Variants in ITPR1 observed in about 807,000 individuals in gnomAD.
The protein encoded by ITPR1 is inositol 1,4,5-trisphosphate-gated calcium channel ITPR1.
In ITPR1, 96 loss-of-function variants were observed where a neutral mutation model predicts 318.4. The observed-to-expected ratio is 0.30, with a 90% CI of 0.26 to 0.36. ITPR1 has a LOEUF of 0.36. Among genes scored for constraint, ITPR1 ranks in the 10% least tolerant of loss-of-function variants. The probability of loss-of-function intolerance (pLI) is 1.00; values close to 1 mark genes in which losing one functional copy is unlikely to be tolerated. For synonymous variants in ITPR1, 1,312 were observed against 1,289.9 expected (o/e 1.02, Z -0.37); for missense variants, 2,440 against 3,460.2 (o/e 0.71, Z 7.40).
chr3:4,760,706 C>T (rs902999974), intron 44 of ITPR1, among the ~76,000 whole-genome samples: 2 of 152,184 alleles, frequency 1.3e-5, no homozygotes, highest in African/African-American at 4.8e-5. Flanking sequence ...TTCCAGAGGC[C>T]ACCCACATCC....
chr3:4,505,382 G>A (rs186020976), intron 2 of ITPR1, among the ~76,000 whole-genome samples: 2 of 152,222 alleles, frequency 1.3e-5, no homozygotes, highest in African/African-American at 2.4e-5. Flanking sequence ...TAGTAAAGAC[G>A]GGGTTTCGCC....
At chr3:4,840,488 A>G (rs2051264515) in intron 61 of ITPR1, among the ~76,000 whole-genome samples, 1 of 152,154 alleles carries the variant, frequency 6.6e-6, no homozygotes, top group Non-Finnish European at 1.5e-5. Flanking sequence ...TGTTTGTTTT[A>G]GATTTTCTGA....
intron 46 of ITPR1, among the ~76,000 whole-genome samples, chr3:4,771,828 G>T (rs972420397): frequency 1.3e-5 from 2 of 152,046 alleles, no homozygotes; most frequent in African/African-American, 4.8e-5. Flanking sequence ...TTTGGCTTGG[G>T]GGAGCGCACG....
At chr3:4,755,577 G>A (rs1296347434) in intron 44 of ITPR1, among the ~76,000 whole-genome samples, 1 of 152,114 alleles carries the variant, frequency 6.6e-6, no homozygotes, top group South Asian at 2.1e-4. Flanking sequence ...GGACTTTGCT[G>A]CTTGAAGAAG....
rs184368482 is a variant in ITPR1, at chr3:4,772,625, T to A, written c.5980-2617T>A. Among the ~76,000 whole-genome samples the A allele has an allele frequency of 7.9e-5, 12 of 152,338 alleles. No homozygotes were observed. The East Asian group carries it at 2.3e-3, about 29-fold the overall frequency. ...AGTCTGTCTAAGCACAGACTTGAAG[T>A]CTTCCATTTCCTTAACCCACCCATC... On this transcript the variant is annotated intron_variant, in intron 46 of 61. Transcript: ENST00000649015.
intron 13 of ITPR1, among the ~76,000 whole-genome samples, chr3:4,659,837 T>C (rs1370733319): frequency 6.6e-6 from 1 of 152,224 alleles, no homozygotes; most frequent in African/African-American, 2.4e-5. Flanking sequence ...GGTATTCATA[T>C]GTAATATGTT....
At chr3:4,788,659 C>T (rs2047357152) in intron 52 of ITPR1, among the ~76,000 whole-genome samples, 1 of 152,182 alleles carries the variant, frequency 6.6e-6, no homozygotes. Context: ...CATTGAGTAT[C>T]CCAGCCAGTC....
chr3:4,807,129 CTTACAAAGAGAGGGGGGACTTACA>C (rs2048619237), intron 55 of ITPR1, among the ~76,000 whole-genome samples: 2 of 1,758 alleles, frequency 1.1e-3, no homozygotes, highest in African/African-American at 3.0e-3. Context: ...GAGAGGGGGG[CTTACAAAGAGAGGGGGGACTTACA>C]AAGAGAGGGG....
chr3:4,578,547 A>G lies in ITPR1; in HGVS notation c.164-49216A>G, dbSNP rs145134778. 9.5e-3 allele frequency among the ~76,000 whole-genome samples: 1,439 copies of G among 152,166 alleles called. 9 individuals carry two copies. The highest frequency in any genetic ancestry group is 0.015 in the Non-Finnish European group (1,001 of 68,002). On this transcript the variant is annotated intron_variant, in intron 4 of 61. Transcript: ENST00000649015. ...TGCCAGTGAGAATTGTGGAGCTCAT[A>G]ATGTCCCACAGCCAGAAGGGGCTTT...
In ITPR1 at chr3:4,673,356, T is replaced by C; in HGVS notation, c.2425T>C (p.Ser809Pro). The C allele has an allele frequency of 6.2e-7, 1 of 1,610,854 alleles. No individual in the cohort carries two copies. Among genetic ancestry groups the C allele is most frequent in the Non-Finnish European group, 8.5e-7 (1 of 1,177,310 alleles). Residue 809 changes from serine to proline, a missense_variant, in exon 21 of 62, where the codon TCG becomes CCG. Physicochemically the swap from Ser to Pro is moderately conservative, Grantham distance 74 (BLOSUM62 -1). Around this residue, in one of 23 missense-constraint regions of ITPR1, gnomAD observed 478 missense variants for 696.3 expected, o/e 0.69. Transcript: ENST00000649015. ...VTPVKYARLW[S>P]EIPSEIAIDD... The stretch of plus-strand genomic sequence containing the variant: ...CCCCGTGAAATATGCCCGCCTCTGG[T>C]CGGAGATTCCCTCGGAGATCGCCAT...
intron 41 of ITPR1, among the ~76,000 whole-genome samples, chr3:4,726,261 C>T (rs2042506677): frequency 6.6e-6 from 1 of 151,610 alleles, no homozygotes; most frequent in African/African-American, 2.4e-5. Context: ...AACTCCTGAC[C>T]TCAGGTGATC....
chr3:4,678,522 G>T (rs17041165), intron 24 of ITPR1, among the ~76,000 whole-genome samples: 30,980 of 152,072 alleles, frequency 0.2, 3,369 homozygotes, highest in South Asian at 0.37. Context: ...TGCACTGTGA[G>T]GAATGCAAAA....
chr3:4,697,405 C>G, intron 34 of ITPR1, 133 bp downstream of exon 34: 1 of 792,812 alleles, frequency 1.3e-6, no homozygotes, highest in Non-Finnish European at 1.8e-6. Flanking sequence ...CTACTCTAAT[C>G]CGTGGCATGA....
intron 44 of ITPR1, among the ~76,000 whole-genome samples, chr3:4,762,849 A>G (rs186400255): frequency 8.3e-4 from 126 of 152,344 alleles, no homozygotes; most frequent in African/African-American, 2.8e-3. Flanking sequence ...TACATACCCA[A>G]AGGAACATAA....
intron 61 of ITPR1, among the ~76,000 whole-genome samples, chr3:4,842,508 C>T (rs2051426009): frequency 6.6e-6 from 1 of 152,162 alleles, no homozygotes; most frequent in South Asian, 2.1e-4. Context: ...GCTAGGATTA[C>T]AGGCATGTAC....
chr3:4,725,284 C>G (rs566229564), intron 40 of ITPR1, among the ~76,000 whole-genome samples: 1 of 152,044 alleles, frequency 6.6e-6, no homozygotes, highest in South Asian at 2.1e-4. Flanking sequence ...TAGTGGTAGA[C>G]TTTTTTTGTT....
intron 4 of ITPR1, among the ~76,000 whole-genome samples, chr3:4,599,288 A>G (rs2091090447): frequency 6.6e-6 from 1 of 152,230 alleles, no homozygotes; most frequent in South Asian, 2.1e-4. Flanking sequence ...TGTAGCTGCA[A>G]ATCAGCAGCT....
intron 26 of ITPR1, among the ~76,000 whole-genome samples, chr3:4,682,606 A>G (rs1338763402): frequency 6.6e-6 from 1 of 152,228 alleles, no homozygotes; most frequent in Non-Finnish European, 1.5e-5. Flanking sequence ...TAAACATGGT[A>G]TTGTGAGTTT....
At chr3:4,839,126 G>A (rs1254546839) in intron 61 of ITPR1, among the ~76,000 whole-genome samples, 5 of 152,158 alleles carry the variant, frequency 3.3e-5, no homozygotes, top group Admixed American at 6.5e-5. Flanking sequence ...TCAGGAGTTC[G>A]AGACCAGCCT....
Sources: allele counts gnomAD v4.1 joint callset (sites outside exome capture counted in the v4.1 genomes callset), GRCh38; gene constraint gnomAD v4.1.1; regional missense constraint gnomAD v4.1.1; transcripts MANE v1.5; gene names NCBI Gene and HGNC (gene_info 2026-07-23, HGNC 2026-07-21).